RAPGEF2: variants seen among roughly 807,000 people sequenced by gnomAD.
RAPGEF2 encodes the protein PDZ domain containing guanine nucleotide exchange factor (GEF) 1.
RAPGEF2 carries 54 observed loss-of-function variants against 186.7 expected under a neutral mutation model. The observed-to-expected ratio is 0.29, with a 90% confidence interval of 0.23 to 0.36. The LOEUF (loss-of-function observed/expected upper bound fraction) is 0.36, where lower values mean the gene tolerates loss of function less well. RAPGEF2 is among the 10% of genes least tolerant of loss of function. The probability of loss-of-function intolerance (pLI) is 1.00; values close to 1 mark genes in which losing one functional copy is unlikely to be tolerated. For synonymous variants in RAPGEF2, 712 were observed against 705.9 expected (o/e 1.01, Z -0.14); for missense variants, 1,532 against 2,045.0 (o/e 0.75, Z 4.84).
intron 7 of RAPGEF2, among the ~76,000 whole-genome samples, chr4:159,244,907 T>C (rs1754438675): frequency 6.6e-6 from 1 of 152,024 alleles, no homozygotes; most frequent in South Asian, 2.1e-4. Flanking sequence ...AATTTTAAAA[T>C]TTTAAGTTCA....
chr4:159,309,375 A>G (rs1348422713), intron 8 of RAPGEF2, among the ~76,000 whole-genome samples: 1 of 152,190 alleles, frequency 6.6e-6, no homozygotes, highest in Admixed American at 6.5e-5. Flanking sequence ...GACACCTTCA[A>G]GAAGGCAGGG....
chr4:159,191,752 G>GATA (rs1254273107), intron 2 of RAPGEF2, among the ~76,000 whole-genome samples: 2 of 151,822 alleles, frequency 1.3e-5, no homozygotes, highest in Admixed American at 6.6e-5. Context: ...TAATAATAAT[G>GATA]ATAATAATAA....
chr4:159,266,995 T>C, intron 7 of RAPGEF2: 1 of 294,362 alleles, frequency 3.4e-6, no homozygotes, highest in Non-Finnish European at 6.6e-6. Flanking sequence ...TGTCCATTGC[T>C]ACCTTAATGA....
chr4:159,209,645 A>G (rs1021704568), intron 3 of RAPGEF2, among the ~76,000 whole-genome samples: 1 of 152,224 alleles, frequency 6.6e-6, no homozygotes, highest in East Asian at 1.9e-4. Flanking sequence ...TTAAATTATA[A>G]CAAACTATAT....
chr4:159,202,588 C>T (rs1233327165), intron 3 of RAPGEF2, among the ~76,000 whole-genome samples: 4 of 151,954 alleles, frequency 2.6e-5, no homozygotes, highest in Admixed American at 6.6e-5. Flanking sequence ...CTTGTCAGTC[C>T]CCCTTGGCTT....
chr4:159,161,232 C>G (rs1026786498), intron 1 of RAPGEF2, among the ~76,000 whole-genome samples: 2 of 152,112 alleles, frequency 1.3e-5, no homozygotes, highest in African/African-American at 4.8e-5. Context: ...TAAAATTGAA[C>G]TTCGTAATAA....
intron 1 of RAPGEF2, among the ~76,000 whole-genome samples, chr4:159,108,395 T>C (rs1163245837): frequency 6.6e-6 from 1 of 150,874 alleles, no homozygotes; most frequent in East Asian, 1.9e-4. Context: ...TTTTTTTTTT[T>C]TTTTTTTTTT....
rs372210122 is a variant in RAPGEF2, at chr4:159,352,665, C to T, written c.3866-20C>T. 71 of 1,567,046 alleles carry T rather than the reference C, an allele frequency of 4.5e-5. No individual in the cohort carries two copies. Among genetic ancestry groups the T allele is most frequent in the Admixed American group, 6.7e-5 (4 of 59,900 alleles). ...ATAAACCTAGAGAGTCTAATTAATA[C>T]GGTTGTATTTCTCATGCAGGCTATA... On this transcript the variant is annotated intron_variant, in intron 26 of 29. Transcript: ENST00000691494.
chr4:159,216,081 C>G (rs1194130964), intron 4 of RAPGEF2, among the ~76,000 whole-genome samples: 2 of 152,160 alleles, frequency 1.3e-5, no homozygotes, highest in Non-Finnish European at 2.9e-5. Context: ...TTCAAGGGCC[C>G]TTTCCATGCT....
intron 1 of RAPGEF2, among the ~76,000 whole-genome samples, chr4:159,125,386 T>G (rs1740173461): frequency 6.6e-6 from 1 of 152,230 alleles, no homozygotes; most frequent in Non-Finnish European, 1.5e-5. Flanking sequence ...TACCAGAGTT[T>G]GTATTCCGTT....
intron 7 of RAPGEF2, among the ~76,000 whole-genome samples, chr4:159,251,841 G>A (rs534058841): frequency 1.3e-5 from 2 of 151,712 alleles, no homozygotes; most frequent in Non-Finnish European, 2.9e-5. Context: ...TAAACAGGCT[G>A]CCCAGTTTGC....
intron 1 of RAPGEF2, among the ~76,000 whole-genome samples, chr4:159,108,116 T>C (rs1738077110): frequency 6.6e-6 from 1 of 152,352 alleles, no homozygotes; most frequent in Non-Finnish European, 1.5e-5. Context: ...AACTGAAATA[T>C]TAGCTTCAAA....
At chr4:159,113,356 T>G (rs1383055178) in intron 1 of RAPGEF2, among the ~76,000 whole-genome samples, 1 of 152,204 alleles carries the variant, frequency 6.6e-6, no homozygotes, top group Admixed American at 6.5e-5. Flanking sequence ...ACTCTAAAAT[T>G]ATTTAAAAAT....
At chr4:159,218,925 G>A (rs1751247775) in intron 4 of RAPGEF2, among the ~76,000 whole-genome samples, 3 of 152,318 alleles carry the variant, frequency 2.0e-5, no homozygotes, top group South Asian at 4.1e-4. Context: ...TTTTGCAGAA[G>A]CAGGTGATTG....
chr4:159,120,263 A>T (rs1056028634), intron 1 of RAPGEF2, among the ~76,000 whole-genome samples: 2 of 152,182 alleles, frequency 1.3e-5, no homozygotes, highest in East Asian at 3.9e-4. Context: ...CACGTGATCT[A>T]CATGCCTTGG....
chr4:159,326,196 C>T (rs1765900334), intron 11 of RAPGEF2, among the ~76,000 whole-genome samples: 1 of 152,100 alleles, frequency 6.6e-6, no homozygotes, highest in Non-Finnish European at 1.5e-5. Context: ...GCTTGGGATA[C>T]CATTTTAAGG....
intron 1 of RAPGEF2, among the ~76,000 whole-genome samples, chr4:159,109,455 C>T (rs761602865): frequency 2.0e-5 from 3 of 152,150 alleles, no homozygotes; most frequent in East Asian, 1.9e-4. Context: ...ACAATTTCCT[C>T]GTCGGTAAAA....
chr4:159,184,014 A>G (rs1238353680), intron 1 of RAPGEF2, among the ~76,000 whole-genome samples: 1 of 152,040 alleles, frequency 6.6e-6, no homozygotes, highest in Non-Finnish European at 1.5e-5. Flanking sequence ...TCCTTGTGAT[A>G]GTTTGCTGAG....
Position 159,341,966 on chromosome 4 carries a change from TC to T in RAPGEF2, c.2918+20del. ...TCATCAGGTAAGAGAGCACATTTTT[TC>T]TTAAGATTCAGTTCAGTTCACAGAT... On this transcript the variant is annotated intron_variant, in intron 20 of 29. Transcript: ENST00000691494. The T allele has an allele frequency of 1.3e-6, 2 of 1,553,936 alleles. No individual in the cohort carries two copies. The highest frequency in any genetic ancestry group is 1.7e-6 in the Non-Finnish European group (2 of 1,155,100).
Sources: gnomAD v4.1 joint callset for allele counts (sites outside exome capture counted in the v4.1 genomes callset) on GRCh38, gnomAD v4.1.1 for gene constraint, MANE v1.5 for transcripts, NCBI Gene and HGNC (gene_info 2026-07-23, HGNC 2026-07-21) for gene names.